Variants in KAT6A observed in about 807,000 individuals in gnomAD.
KAT6A encodes histone acetyltransferase KAT6A.
KAT6A carries 9 observed loss-of-function variants against 198.4 expected under a neutral mutation model. The observed-to-expected ratio is 0.05, with a 90% CI of 0.03 to 0.08. KAT6A has a LOEUF of 0.08. Ranked by LOEUF, KAT6A falls within the 10% of genes least tolerant of loss-of-function variation. The pLI, the probability that KAT6A is intolerant of heterozygous loss-of-function variation, is 1.00. For missense variants in KAT6A, 2,077 were observed against 2,509.9 expected (o/e 0.83, Z 3.69); for synonymous variants, 890 against 883.0 (o/e 1.01, Z -0.14).
chr8:41,968,361 AAC>A (rs1823614911), intron 8 of KAT6A, among the ~76,000 whole-genome samples: 1 of 152,076 alleles, frequency 6.6e-6, no homozygotes, highest in African/African-American at 2.4e-5. Flanking sequence ...GCAGCCAAAA[AAC>A]ACATGAAAAA....
chr8:42,026,521 T>C (rs1439776182), intron 2 of KAT6A, among the ~76,000 whole-genome samples: 2 of 152,230 alleles, frequency 1.3e-5, no homozygotes, highest in African/African-American at 2.4e-5. Context: ...TTTGTGTGAT[T>C]GTCTTGGTAG....
intron 7 of KAT6A, among the ~76,000 whole-genome samples, chr8:41,975,057 T>C (rs1410997543): frequency 6.6e-6 from 1 of 152,146 alleles, no homozygotes; most frequent in East Asian, 1.9e-4. Flanking sequence ...TAACTAAATT[T>C]AAACTTCATT....
chr8:41,951,596 C>A, intron 9 of KAT6A, among the ~76,000 whole-genome samples: 1 of 152,148 alleles, frequency 6.6e-6, no homozygotes, highest in East Asian at 1.9e-4. Context: ...TGATCAACTG[C>A]ACATGAAGTG....
chr8:41,993,974 T>C (rs1159556686), intron 2 of KAT6A, among the ~76,000 whole-genome samples: 2 of 151,788 alleles, frequency 1.3e-5, no homozygotes, highest in Non-Finnish European at 2.9e-5. Context: ...AGAAGAGATA[T>C]TCAAAGCATT....
intron 3 of KAT6A, among the ~76,000 whole-genome samples, chr8:41,985,022 A>AAATTATGCTC (rs1163034539): frequency 3.9e-5 from 6 of 152,004 alleles, no homozygotes; most frequent in Non-Finnish European, 1.5e-5. Context: ...AATAGTTTTC[A>AAATTATGCTC]AATTATGCTC....
chr8:42,013,238 GCT>G (rs375513589), intron 2 of KAT6A, among the ~76,000 whole-genome samples: 21 of 147,606 alleles, frequency 1.4e-4, no homozygotes, highest in African/African-American at 4.8e-4. Context: ...GAGGGAGGTG[GCT>G]CTGTCATTTT....
At chr8:41,954,931 A>G (rs546464303) in intron 9 of KAT6A, among the ~76,000 whole-genome samples, 1 of 152,298 alleles carries the variant, frequency 6.6e-6, no homozygotes, top group South Asian at 2.1e-4. Flanking sequence ...ATTTACATCA[A>G]AGACTAATCA....
At chr8:41,981,050 T>C (rs1274652803) in intron 4 of KAT6A, 123 bp from the exon 5 acceptor site, 6 of 712,474 alleles carry the variant, frequency 8.4e-6, no homozygotes, top group African/African-American at 7.0e-5. Flanking sequence ...CCAGGCGCAA[T>C]GGCTCACGCC....
chr8:41,957,282 C>T (rs200985771), intron 8 of KAT6A: 31 of 563,794 alleles, frequency 5.5e-5, no homozygotes, highest in Non-Finnish European at 1.0e-4. Flanking sequence ...TGTGAGCCCG[C>T]CTCCACTCCC....
intron 2 of KAT6A, among the ~76,000 whole-genome samples, chr8:41,989,546 G>A (rs73628546): frequency 0.019 from 2,952 of 152,026 alleles, 85 homozygotes; most frequent in African/African-American, 0.067. Flanking sequence ...GTGACGTGAC[G>A]TGACGTGACG....
intron 8 of KAT6A, among the ~76,000 whole-genome samples, chr8:41,962,883 T>A (rs546507270): frequency 3.0e-4 from 46 of 152,276 alleles, no homozygotes; most frequent in African/African-American, 1.1e-3. Context: ...GCATTTCCTG[T>A]TCCTATGCCT....
intron 2 of KAT6A, among the ~76,000 whole-genome samples, chr8:42,007,995 T>TGTTAACTTC (rs991599932): frequency 6.7e-6 from 1 of 150,080 alleles, no homozygotes; most frequent in African/African-American, 2.5e-5. Flanking sequence ...AAATTTTTAT[T>TGTTAACTTC]GTTAACTTCA....
intron 2 of KAT6A, among the ~76,000 whole-genome samples, chr8:42,023,369 T>C (rs1018401767): frequency 5.9e-5 from 9 of 152,230 alleles, no homozygotes; most frequent in African/African-American, 1.9e-4. Context: ...TTCAATAATG[T>C]TAACCTTACC....
chr8:41,973,655 A>G (rs1344219), intron 8 of KAT6A, among the ~76,000 whole-genome samples: 15,730 of 151,914 alleles, frequency 0.1, 1,047 homozygotes, highest in East Asian at 0.24. Flanking sequence ...CACTTTTCCA[A>G]CCTCACCTCC....
chr8:42,032,871 C>CTTTT lies in KAT6A; in HGVS notation c.600+15503_600+15506dup, dbSNP rs1163323345. On this transcript the variant is annotated intron_variant, in intron 2 of 16. Transcript: ENST00000265713. ...GTCTAATGCTTATTTAAAACCTTGG[C>CTTTT]TTTTTTTTTTTTTTTTTTTTTTTTT... 2.4e-3 allele frequency among the ~76,000 whole-genome samples: 181 copies of CTTTT among 76,538 alleles called. 1 individual carries two copies. The highest frequency in any genetic ancestry group is 3.9e-3 in the African/African-American group (69 of 17,610). 50.2% of individuals were successfully genotyped at this position (76,538 alleles called of 152,430 possible). A position where few individuals can be genotyped will look rare whatever the true frequency, so the allele number is the denominator to read the frequency against.
intron 3 of KAT6A, among the ~76,000 whole-genome samples, chr8:41,982,540 C>T (rs559184668): frequency 6.6e-6 from 1 of 152,276 alleles, no homozygotes; most frequent in Non-Finnish European, 1.5e-5. Context: ...AAATATTAAA[C>T]AAGCAACTCC....
intron 8 of KAT6A, among the ~76,000 whole-genome samples, chr8:41,961,010 A>G (rs1204703680): frequency 6.6e-6 from 1 of 152,204 alleles, no homozygotes; most frequent in Non-Finnish European, 1.5e-5. Flanking sequence ...CATGCTACCC[A>G]GTCTCACATT....
chr8:41,981,978 G>A, intron 3 of KAT6A, 24 bp from the exon 4 acceptor site: 1 of 1,346,704 alleles, frequency 7.4e-7, no homozygotes, highest in Non-Finnish European at 1.1e-6. Flanking sequence ...GAACATTCAT[G>A]AATGAAACAA....
rs372804303 is a variant in KAT6A at position 41,952,771 on chromosome 8, G to T, written c.1598+2525C>A. Among the ~76,000 whole-genome samples, 96 of 152,234 alleles carry T rather than the reference G, an allele frequency of 6.3e-4. 1 individual carries two copies. The East Asian group carries it at 0.018, about 29-fold the overall frequency. On this transcript the variant is annotated intron_variant, in intron 9 of 16. Coordinates refer to ENST00000265713, the MANE Select transcript of KAT6A (RefSeq NM_006766.5). ...GAGGTTTATTATTTGGAAAATGTAA[G>T]ATCTCCAAACATTTTAGTCACCTCA...
Sources: gnomAD v4.1 joint callset for allele counts (sites outside exome capture counted in the v4.1 genomes callset) on GRCh38, gnomAD v4.1.1 for gene constraint, MANE v1.5 for transcripts, NCBI Gene and HGNC (gene_info 2026-07-23, HGNC 2026-07-21) for gene names.